TAFA4: variants seen among roughly 807,000 people sequenced by gnomAD.
The protein encoded by TAFA4 is TAFA chemokine like family member 4, also known as chemokine-like protein TAFA-4.
In TAFA4, 20 loss-of-function variants were observed where a neutral mutation model predicts 21.1. That is an observed-to-expected ratio of 0.95 (90% confidence interval 0.67 to 1.38). The LOEUF (loss-of-function observed/expected upper bound fraction) is 1.38, where lower values mean the gene tolerates loss of function less well. Among genes scored for constraint, TAFA4 ranks in the 40% most tolerant of loss-of-function variants. TAFA4 has a pLI of 0.00. For missense variants in TAFA4, 211 were observed against 180.9 expected, an observed-to-expected ratio of 1.17 and a Z score of -0.95; for synonymous variants, 71 against 67.4, an observed-to-expected ratio of 1.05 and a Z score of -0.26.
chr3:68,810,830 C>T (rs985737688), intron 3 of TAFA4, among the ~76,000 whole-genome samples: 18 of 152,210 alleles, frequency 1.2e-4, no homozygotes, highest in African/African-American at 4.3e-4. Context: ...AGTAGTGGTT[C>T]TCCCAGCACA....
intron 3 of TAFA4, among the ~76,000 whole-genome samples, chr3:68,879,425 A>G (rs1010906026): frequency 1.6e-4 from 25 of 152,168 alleles, no homozygotes; most frequent in Non-Finnish European, 1.0e-4. Context: ...CATGAATGGG[A>G]GTGGGTGGTA....
In TAFA4 at chr3:68,809,649, T is replaced by C. The variant is rs563276843; in HGVS notation, c.131-56631A>G. ...AAAATTATTGCCCAGATCAGTGTCATAAAGCTTTTCCCCGTTTTTTCTTCT... is the reference window on the plus strand; with the variant it reads ...AAAATTATTGCCCAGATCAGTGTCACAAAGCTTTTCCCCGTTTTTTCTTCT... On this transcript the variant is annotated intron_variant, in intron 3 of 5. Transcript: ENST00000295569. 2.3e-3 allele frequency among the ~76,000 whole-genome samples: 354 copies of C among 152,054 alleles called. 3 individuals are homozygous for C. Among genetic ancestry groups the C allele is most frequent in the African/African-American group, 8.2e-3 (342 of 41,474 alleles).
At chr3:68,835,910 T>C (rs993504086) in intron 3 of TAFA4, among the ~76,000 whole-genome samples, 1 of 152,232 alleles carries the variant, frequency 6.6e-6, no homozygotes, top group East Asian at 1.9e-4. Flanking sequence ...CATATCCCTC[T>C]TTAAAATTAT....
intron 3 of TAFA4, among the ~76,000 whole-genome samples, chr3:68,813,987 C>T (rs1703902788): frequency 1.3e-5 from 2 of 152,176 alleles, no homozygotes; most frequent in Admixed American, 6.5e-5. Context: ...TTGGCTTCAT[C>T]CCTGGGATGC....
chr3:68,885,407 T>A (rs2089660868), intron 1 of TAFA4, 97 bp from the exon 2 acceptor site: 1 of 552,368 alleles, frequency 1.8e-6, no homozygotes, highest in Non-Finnish European at 3.2e-6. Context: ...TTTTTAACCA[T>A]GACACCTGCA....
At chr3:68,930,864 C>T (rs2090151882) in intron 1 of TAFA4, among the ~76,000 whole-genome samples, 1 of 152,236 alleles carries the variant, frequency 6.6e-6, no homozygotes, top group African/African-American at 2.4e-5. Context: ...TTCTCAGTGA[C>T]TGAGTGGTAA....
intron 1 of TAFA4, among the ~76,000 whole-genome samples, chr3:68,928,324 T>A (rs532912247): frequency 2.0e-4 from 30 of 152,288 alleles, no homozygotes; most frequent in African/African-American, 7.2e-4. Context: ...TTATCGTTAT[T>A]CACAATCATG....
At chr3:68,818,131 C>G (rs1171460526) in intron 3 of TAFA4, among the ~76,000 whole-genome samples, 1 of 152,212 alleles carries the variant, frequency 6.6e-6, no homozygotes, top group South Asian at 2.1e-4. Flanking sequence ...TAACTTCCTG[C>G]AGCTTCTATA....
intron 3 of TAFA4, among the ~76,000 whole-genome samples, chr3:68,831,739 G>A (rs1704400387): frequency 6.6e-6 from 1 of 152,134 alleles, no homozygotes; most frequent in Non-Finnish European, 1.5e-5. Flanking sequence ...GTCTTGTTAG[G>A]TTGGGGAAGT....
intron 4 of TAFA4, among the ~76,000 whole-genome samples, chr3:68,746,445 A>G (rs1702459524): frequency 6.6e-6 from 1 of 152,218 alleles, no homozygotes; most frequent in Non-Finnish European, 1.5e-5. Context: ...TGAACAGAAA[A>G]ATTAAGAAAA....
At chr3:68,868,186 G>A (rs1295064283) in intron 3 of TAFA4, among the ~76,000 whole-genome samples, 1 of 152,010 alleles carries the variant, frequency 6.6e-6, no homozygotes, top group Non-Finnish European at 1.5e-5. Context: ...TGAGAAAAGA[G>A]CAGGAGTAGC....
At chr3:68,894,845 G>C (rs1464958511) in intron 1 of TAFA4, among the ~76,000 whole-genome samples, 2 of 145,798 alleles carry the variant, frequency 1.4e-5, no homozygotes, top group African/African-American at 5.6e-5. Context: ...GGTGTTTTTG[G>C]TTTTGTTTTG....
At position 68,829,520 on chromosome 3, in the gene TAFA4, T is replaced by C. The variant is rs9758389; in HGVS notation, c.130+51210A>G. Among the ~76,000 whole-genome samples, 1,046 of 152,354 alleles carry C rather than the reference T, an allele frequency of 6.9e-3. 13 individuals are homozygous for C. The highest frequency in any genetic ancestry group is 0.024 in the African/African-American group (1,009 of 41,588). On this transcript the variant is annotated intron_variant, in intron 3 of 5. Coordinates refer to ENST00000295569, the MANE Select transcript of TAFA4 (RefSeq NM_182522.5). ...TGATTTGCGTATGTTGAACCAGCCT[T>C]GCATCCCAGGGATGAAGCCAACTTG... is the stretch of plus-strand genomic sequence containing the variant.
chr3:68,864,070 T>G (rs546648158), intron 3 of TAFA4, among the ~76,000 whole-genome samples: 1 of 152,028 alleles, frequency 6.6e-6, no homozygotes, highest in Admixed American at 6.6e-5. Flanking sequence ...ACACCGAAAG[T>G]AAAATACATA....
intron 3 of TAFA4, among the ~76,000 whole-genome samples, chr3:68,802,807 G>T (rs902649316): frequency 8.5e-5 from 13 of 152,168 alleles, no homozygotes; most frequent in African/African-American, 3.1e-4. Context: ...TCTCCATGTA[G>T]AATTAATGCA....
chr3:68,858,107 T>C (rs1238778570), intron 3 of TAFA4, among the ~76,000 whole-genome samples: 1 of 152,156 alleles, frequency 6.6e-6, no homozygotes, highest in Non-Finnish European at 1.5e-5. Flanking sequence ...TCGCCATCTT[T>C]CCAGGTGGAG....
chr3:68,752,926 T>G lies in TAFA4; in HGVS notation c.223A>C (p.Lys75Gln). ...NRIEERSQTV[K>Q]CSCFPGQVAG... The stretch of plus-strand genomic sequence containing the variant: ...ACCTGTCCCGGGAAGCAAGAGCACT[T>G]GACCGTTTGTGACCGCTCTTCTATG... Residue 75 changes from lysine to glutamine, a missense_variant, in exon 4 of 6, where the codon AAG (lysine) becomes CAG (glutamine). By Grantham distance (53) the Lys-to-Gln change is moderately conservative (BLOSUM62 1). Coordinates refer to ENST00000295569, the MANE Select transcript of TAFA4 (RefSeq NM_182522.5). 6.2e-7 allele frequency: 1 copy of G among 1,614,086 alleles called. No individual in the cohort carries two copies. Among genetic ancestry groups the G allele is most frequent in the African/African-American group, 1.3e-5 (1 of 75,010 alleles).
intron 1 of TAFA4, among the ~76,000 whole-genome samples, chr3:68,902,668 T>A (rs2089855941): frequency 1.3e-5 from 2 of 152,176 alleles, no homozygotes; most frequent in Admixed American, 1.3e-4. Context: ...GTGTCCAGCC[T>A]CATTCATATT....
At chr3:68,775,266 C>G (rs1471387197) in intron 3 of TAFA4, among the ~76,000 whole-genome samples, 2 of 152,124 alleles carry the variant, frequency 1.3e-5, no homozygotes, top group Non-Finnish European at 2.9e-5. Context: ...GGGGACAGTG[C>G]AAGAGAAGAC....
Sources: allele counts gnomAD v4.1 joint callset (sites outside exome capture counted in the v4.1 genomes callset), GRCh38; gene constraint gnomAD v4.1.1; transcripts MANE v1.5; gene names NCBI Gene and HGNC (gene_info 2026-07-23, HGNC 2026-07-21).